Variants in ADGRL2 observed in about 807,000 individuals in gnomAD.
ADGRL2 encodes the protein adhesion G protein-coupled receptor L2, also known as calcium-independent alpha-latrotoxin receptor 2.
Under a neutral mutation model 157.4 loss-of-function variants are expected in ADGRL2, and 44 were observed. The observed-to-expected ratio is 0.28, with a 90% CI of 0.22 to 0.36. ADGRL2 has a LOEUF of 0.36. Among genes scored for constraint, ADGRL2 ranks in the 10% least tolerant of loss-of-function variants. The pLI is 1.00. For missense variants in ADGRL2, 1,510 were observed against 1,768.9 expected, an observed-to-expected ratio of 0.85 and a Z score of 2.63; for synonymous variants, 585 against 624.7, an observed-to-expected ratio of 0.94 and a Z score of 0.95.
At position 81,985,300 on chromosome 1, in the gene ADGRL2, A is replaced by G. The variant is rs748842275; in HGVS notation, c.3453A>G (p.Gln1151=). Residue 1151 remains glutamine, a synonymous_variant, in exon 21 of 24, where the codon CAA becomes CAG. Transcript: ENST00000686636. ...TGTGGAATGATACTGTGAGAAAACA[A>G]TCAGAATCTTCTTTTATCTCAGGTG... is the stretch of plus-strand genomic sequence containing the variant. ...RRMWNDTVRK[Q]SESSFISGDI... 6.2e-7 allele frequency: 1 copy of G among 1,607,060 alleles called. No homozygotes were observed. Among genetic ancestry groups the G allele is most frequent in the African/African-American group, 1.3e-5 (1 of 74,662 alleles).
intron 2 of ADGRL2, among the ~76,000 whole-genome samples, chr1:81,874,350 T>C (rs2093773772): frequency 6.6e-6 from 1 of 152,178 alleles, no homozygotes; most frequent in Non-Finnish European, 1.5e-5. Flanking sequence ...AGTTTCAGAT[T>C]GATTTACATA....
chr1:81,979,512 C>T (rs986075181), intron 17 of ADGRL2, among the ~76,000 whole-genome samples: 2 of 151,802 alleles, frequency 1.3e-5, no homozygotes, highest in African/African-American at 2.4e-5. Flanking sequence ...TTGTAGATTA[C>T]ATGATGTACA....
chr1:81,634,638 C>T (rs1463174125), intron 3 of ADGRL2, among the ~76,000 whole-genome samples: 1 of 151,590 alleles, frequency 6.6e-6, no homozygotes, highest in Non-Finnish European at 1.5e-5. Context: ...GGGTTCCAGT[C>T]CCAGCCTCCC....
At chr1:81,970,226 T>A in intron 15 of ADGRL2, 88 bp from the exon 16 acceptor site, 1 of 857,394 alleles carries the variant, frequency 1.2e-6, no homozygotes, top group Admixed American at 2.0e-5. Context: ...ATAATAGTGA[T>A]TTCTCTTAGT....
chr1:81,372,295 G>A (rs1008560888), intron 1 of ADGRL2, among the ~76,000 whole-genome samples: 6 of 152,282 alleles, frequency 3.9e-5, no homozygotes, highest in Admixed American at 3.3e-4. Flanking sequence ...ATCATTCAAA[G>A]AATATTGGTA....
chr1:81,557,180 C>T lies in ADGRL2; in HGVS notation c.-247-23696C>T, dbSNP rs183575062. On this transcript the variant is annotated intron_variant, in intron 2 of 24. Transcript: ENST00000370721. ...CCTCCTCAAGGTAGGCCAAGGAGTC[C>T]CGAGGGATACCGATGCTGGCCGGCT... 590 of 176,794 alleles carry T rather than the reference C, an allele frequency of 3.3e-3. 3 individuals carry two copies. The highest frequency in any genetic ancestry group is 3.9e-3 in the Non-Finnish European group (284 of 73,328). The allele number at this position is 176,794 out of a possible 1,614,324, so 11.0% of individuals were successfully genotyped here.
At chr1:81,401,753 T>A (rs1210279464) in intron 1 of ADGRL2, among the ~76,000 whole-genome samples, 1 of 152,176 alleles carries the variant, frequency 6.6e-6, no homozygotes, top group Admixed American at 6.5e-5. Flanking sequence ...CTTTTCCAGA[T>A]GCCTGTTCGA....
chr1:81,589,739 G>T (rs114000788), intron 3 of ADGRL2, among the ~76,000 whole-genome samples: 5 of 152,178 alleles, frequency 3.3e-5, no homozygotes, highest in African/African-American at 9.6e-5. Context: ...TCAGGATGTG[G>T]TAACTGGTTT....
At chr1:81,437,750 T>G (rs72940914) in intron 1 of ADGRL2, among the ~76,000 whole-genome samples, 2,060 of 152,334 alleles carry the variant, frequency 0.014, 31 homozygotes, top group South Asian at 0.056. Context: ...TGTTTTCATT[T>G]GCATGTTTCT....
intron 3 of ADGRL2, among the ~76,000 whole-genome samples, chr1:81,667,092 A>G (rs2082765761): frequency 6.6e-6 from 1 of 152,178 alleles, no homozygotes; most frequent in African/African-American, 2.4e-5. Flanking sequence ...AAGCAATGGG[A>G]TATTTTTGCC....
At chr1:81,645,697 A>C (rs1447369902) in intron 3 of ADGRL2, among the ~76,000 whole-genome samples, 1 of 152,138 alleles carries the variant, frequency 6.6e-6, no homozygotes. Flanking sequence ...CTTATTCTCT[A>C]CAATTGCTAC....
At chr1:81,378,566 T>TAAAAAAA (rs58850012) in intron 1 of ADGRL2, among the ~76,000 whole-genome samples, 1 of 101,326 alleles carries the variant, frequency 9.9e-6, no homozygotes, top group African/African-American at 3.9e-5. Context: ...CCTTGTATCT[T>TAAAAAAA]AAAAAAAAAA....
intron 17 of ADGRL2, among the ~76,000 whole-genome samples, chr1:81,978,399 C>G (rs1572482843): frequency 6.6e-6 from 1 of 151,684 alleles, no homozygotes; most frequent in Admixed American, 6.6e-5. Flanking sequence ...TACTTTTTCT[C>G]TAGATGTATT....
At chr1:81,724,239 C>G (rs951693434) in intron 1 of ADGRL2, among the ~76,000 whole-genome samples, 1 of 152,120 alleles carries the variant, frequency 6.6e-6, no homozygotes, top group Non-Finnish European at 1.5e-5. Flanking sequence ...CTGGCAACAT[C>G]TTGTCATATC....
chr1:81,782,419 TG>T (rs1391845847), intron 2 of ADGRL2, among the ~76,000 whole-genome samples: 1 of 152,212 alleles, frequency 6.6e-6, no homozygotes, highest in Non-Finnish European at 1.5e-5. Flanking sequence ...ATTCATTTTT[TG>T]GTCTACAGTA....
intron 3 of ADGRL2, among the ~76,000 whole-genome samples, chr1:81,664,434 A>G (rs181836941): frequency 6.6e-6 from 1 of 152,314 alleles, no homozygotes. Flanking sequence ...TCACCATAAT[A>G]GTGTTGATGT....
intron 6 of ADGRL2, among the ~76,000 whole-genome samples, chr1:81,946,240 G>A (rs1009666732): frequency 6.6e-6 from 1 of 151,142 alleles, no homozygotes; most frequent in African/African-American, 2.4e-5. Flanking sequence ...TTTTCATTGT[G>A]GACTGTTTAA....
At chr1:81,696,787 A>C (rs895046824), upstream of ADGRL2, among the ~76,000 whole-genome samples, 26 of 152,230 alleles carry the variant, frequency 1.7e-4, no homozygotes, top group African/African-American at 4.8e-4. Flanking sequence ...AAAAATAGAG[A>C]GGAGTTGATG....
chr1:81,408,563 A>C (rs1378084562), intron 1 of ADGRL2, among the ~76,000 whole-genome samples: 3 of 152,212 alleles, frequency 2.0e-5, no homozygotes, highest in African/African-American at 7.2e-5. Context: ...TCGCGTGCCT[A>C]GACTTGTACT....
Sources: allele counts gnomAD v4.1 joint callset (sites outside exome capture counted in the v4.1 genomes callset), GRCh38; gene constraint gnomAD v4.1.1; transcripts MANE v1.5; gene names NCBI Gene and HGNC (gene_info 2026-07-23, HGNC 2026-07-21).